Variants in GABBR2 observed in about 807,000 individuals in gnomAD.
GABBR2 encodes the protein G-protein coupled receptor 51.
Under a neutral mutation model 105.6 loss-of-function variants are expected in GABBR2, and 23 were observed. The ratio of observed to expected loss-of-function variants is 0.22; its 90% CI spans 0.16 to 0.31. The LOEUF (loss-of-function observed/expected upper bound fraction) is 0.31. GABBR2 is among the 10% of genes least tolerant of loss of function. The pLI, the probability that GABBR2 is intolerant of heterozygous loss-of-function variation, is 1.00. For missense variants in GABBR2, 734 were observed against 1,245.5 expected, an observed-to-expected ratio of 0.59 and a Z score of 6.18; for synonymous variants, 478 against 499.7, an observed-to-expected ratio of 0.96 and a Z score of 0.58.
chr9:98,538,751 G>C (rs1318961822), intron 3 of GABBR2: 1 of 181,248 alleles, frequency 5.5e-6, no homozygotes, highest in African/African-American at 2.4e-5. Flanking sequence ...AGTGCTTGAC[G>C]TTGCTGATCG....
chr9:98,458,985 A>C (rs1730106809), intron 6 of GABBR2, among the ~76,000 whole-genome samples: 1 of 152,226 alleles, frequency 6.6e-6, no homozygotes. Flanking sequence ...CTTTCCACTT[A>C]GGGAATGGCT....
chr9:98,621,244 G>A (rs954414262), intron 1 of GABBR2, among the ~76,000 whole-genome samples: 1 of 152,164 alleles, frequency 6.6e-6, no homozygotes, highest in East Asian at 1.9e-4. Flanking sequence ...GCTTGGCCGA[G>A]GTTACAGCTG....
chr9:98,428,730 A>G (rs764864382), intron 7 of GABBR2, among the ~76,000 whole-genome samples: 7 of 152,226 alleles, frequency 4.6e-5, no homozygotes, highest in Non-Finnish European at 8.8e-5. Flanking sequence ...CGGGACTAGC[A>G]GGGATTTTGC....
intron 1 of GABBR2, among the ~76,000 whole-genome samples, chr9:98,645,448 T>TCACTCTGTTAC (rs1161025552): frequency 2.6e-5 from 4 of 152,176 alleles, no homozygotes; most frequent in African/African-American, 9.7e-5. Flanking sequence ...GGTGTCTAGT[T>TCACTCTGTTAC]CACTCTGTTA....
At position 98,542,020 on chromosome 9, in the gene GABBR2, A is replaced by G. The variant is rs35449008; in HGVS notation, c.483T>C (p.Pro161=). The stretch of plus-strand genomic sequence containing the variant: ...GGTATTTTTTCTTATCGGCTAGAAC[A>G]GGCGTGGTTGCAGCAAAAGAAAGCT... ...LVQLSFAATT[P]VLADKKKYPY... The change falls in exon 3 of 19, where the codon CCT becomes CCC. Residue 161 remains proline (P), a synonymous_variant. Coordinates refer to ENST00000259455, the MANE Select transcript of GABBR2 (RefSeq NM_005458.8). The G allele has an allele frequency of 0.037, 59,456 of 1,614,052 alleles. 1,772 individuals are homozygous for G. The highest frequency in any genetic ancestry group is 0.16 in the African/African-American group (11,953 of 75,014).
At chr9:98,292,029 C>T (rs1451443519) in intron 18 of GABBR2, among the ~76,000 whole-genome samples, 2 of 152,230 alleles carry the variant, frequency 1.3e-5, no homozygotes, top group African/African-American at 4.8e-5. Context: ...GTCTTAATGA[C>T]TGTCATGTCA....
At chr9:98,613,563 G>A (rs969115363) in intron 1 of GABBR2, among the ~76,000 whole-genome samples, 3 of 152,198 alleles carry the variant, frequency 2.0e-5, no homozygotes, top group East Asian at 3.8e-4. Context: ...CCAGGCATAG[G>A]CCTCAAGAGT....
chr9:98,557,489 TGAA>T (rs1472565909), intron 2 of GABBR2, among the ~76,000 whole-genome samples: 3 of 152,132 alleles, frequency 2.0e-5, no homozygotes, highest in Non-Finnish European at 4.4e-5. Context: ...ACGGTCAATA[TGAA>T]GAAGAAACCG....
At chr9:98,511,584 G>A (rs190126365) in intron 3 of GABBR2, among the ~76,000 whole-genome samples, 5,756 of 151,802 alleles carry the variant, frequency 0.038, 385 homozygotes, top group African/African-American at 0.13. Context: ...TATCACCACC[G>A]ATCCCATAGA....
intron 14 of GABBR2, among the ~76,000 whole-genome samples, chr9:98,309,134 C>T (rs1054775330): frequency 3.3e-5 from 5 of 152,178 alleles, no homozygotes; most frequent in African/African-American, 9.7e-5. Flanking sequence ...AGGCTGGGGA[C>T]AGTTCCTTGC....
intron 12 of GABBR2, among the ~76,000 whole-genome samples, chr9:98,366,483 G>A (rs1831678833): frequency 6.6e-6 from 1 of 152,218 alleles, no homozygotes; most frequent in Admixed American, 6.5e-5. Flanking sequence ...CTGCAACCAT[G>A]ACAGAAGAGC....
At chr9:98,427,533 G>T (rs1825719411) in intron 7 of GABBR2, among the ~76,000 whole-genome samples, 1 of 152,300 alleles carries the variant, frequency 6.6e-6, no homozygotes, top group East Asian at 1.9e-4. Context: ...CTCTAAGGTG[G>T]CCCCAAATGA....
At chr9:98,666,501 T>A (rs1182868205) in intron 1 of GABBR2, among the ~76,000 whole-genome samples, 1 of 152,194 alleles carries the variant, frequency 6.6e-6, no homozygotes, top group Non-Finnish European at 1.5e-5. Flanking sequence ...AAATTGCCTG[T>A]GGGTACTAAG....
At chr9:98,486,048 A>AGC (rs1827041192) in intron 4 of GABBR2, among the ~76,000 whole-genome samples, 1 of 152,144 alleles carries the variant, frequency 6.6e-6, no homozygotes, top group South Asian at 2.1e-4. Context: ...TCCAAGACAG[A>AGC]GCTCCTCCTG....
chr9:98,667,431 C>T (rs1315114894), intron 1 of GABBR2, among the ~76,000 whole-genome samples: 1 of 152,088 alleles, frequency 6.6e-6, no homozygotes, highest in Non-Finnish European at 1.5e-5. Flanking sequence ...GCAGGGAGTG[C>T]TGGCTGCTGA....
intron 7 of GABBR2, among the ~76,000 whole-genome samples, chr9:98,441,596 A>G (rs1021338885): frequency 2.0e-5 from 3 of 152,230 alleles, no homozygotes; most frequent in Non-Finnish European, 2.9e-5. Flanking sequence ...AGAACTCCCA[A>G]CCTCAGGTTA....
chr9:98,386,927 C>A (rs1832083355), intron 10 of GABBR2, among the ~76,000 whole-genome samples: 2 of 152,190 alleles, frequency 1.3e-5, no homozygotes, highest in Non-Finnish European at 2.9e-5. Context: ...CTTGACAAAT[C>A]ACTTAGCCTG....
At chr9:98,317,639 A>G (rs2043503) in intron 13 of GABBR2, among the ~76,000 whole-genome samples, 5,485 of 152,306 alleles carry the variant, frequency 0.036, 282 homozygotes, top group East Asian at 0.19. Context: ...TATCTGTCCT[A>G]CATTTCATGA....
intron 1 of GABBR2, among the ~76,000 whole-genome samples, chr9:98,700,892 C>T (rs904337704): frequency 2.0e-5 from 3 of 152,334 alleles, no homozygotes; most frequent in African/African-American, 7.2e-5. Flanking sequence ...TGGCTCCTCG[C>T]GTTACCACCT....
Sources: gnomAD v4.1 joint callset for allele counts (sites outside exome capture counted in the v4.1 genomes callset) on GRCh38, gnomAD v4.1.1 for gene constraint, MANE v1.5 for transcripts, NCBI Gene and HGNC (gene_info 2026-07-23, HGNC 2026-07-21) for gene names.